MACROD2: variants seen among roughly 807,000 people sequenced by gnomAD.
The protein encoded by MACROD2 is ADP-ribose glycohydrolase MACROD2.
A neutral mutation model predicts 70.4 loss-of-function variants in MACROD2; 36 were observed. The ratio of observed to expected loss-of-function variants is 0.51; its 90% CI spans 0.39 to 0.68. The LOEUF (loss-of-function observed/expected upper bound fraction) is 0.68. Ranked by LOEUF, MACROD2 falls within the 30% of genes least tolerant of loss-of-function variation. The pLI, the probability that MACROD2 is intolerant of heterozygous loss-of-function variation, is 0.00. For missense variants in MACROD2, 496 were observed against 538.4 expected, an observed-to-expected ratio of 0.92 and a Z score of 0.78; for synonymous variants, 172 against 178.8, an observed-to-expected ratio of 0.96 and a Z score of 0.30.
At chr20:15,191,128 G>A (rs2076567870) in intron 5 of MACROD2, among the ~76,000 whole-genome samples, 1 of 152,206 alleles carries the variant, frequency 6.6e-6, no homozygotes, top group South Asian at 2.1e-4. Context: ...GAAGTGGGGA[G>A]AGTGAGACAG....
At chr20:14,141,543 C>T (rs531920032) in intron 3 of MACROD2, among the ~76,000 whole-genome samples, 29 of 151,680 alleles carry the variant, frequency 1.9e-4, no homozygotes, top group Non-Finnish European at 2.9e-4. Context: ...GTTAGGAGTT[C>T]GGGACCGGCC....
intron 5 of MACROD2, among the ~76,000 whole-genome samples, chr20:14,883,606 A>AT (rs1170361607): frequency 6.6e-6 from 1 of 151,414 alleles, no homozygotes; most frequent in African/African-American, 2.4e-5. Flanking sequence ...TTAAAAAAAA[A>AT]AGTAGTTTAA....
At chr20:14,335,640 G>A (rs2082922044) in intron 3 of MACROD2, among the ~76,000 whole-genome samples, 1 of 151,972 alleles carries the variant, frequency 6.6e-6, no homozygotes, top group Non-Finnish European at 1.5e-5. Flanking sequence ...TAAAGGGTGG[G>A]GTGCAGCGAA....
chr20:14,911,498 C>T (rs982510896), intron 5 of MACROD2, among the ~76,000 whole-genome samples: 5 of 152,050 alleles, frequency 3.3e-5, no homozygotes, highest in African/African-American at 1.2e-4. Context: ...CTGCCTCAGC[C>T]TCCCATGTAG....
At chr20:15,151,270 T>C (rs1209737473) in intron 5 of MACROD2, among the ~76,000 whole-genome samples, 1 of 152,074 alleles carries the variant, frequency 6.6e-6, no homozygotes, top group African/African-American at 2.4e-5. Flanking sequence ...CTTGGCCCGA[T>C]GGCCAGATTT....
At chr20:14,416,488 T>C (rs552601811) in intron 3 of MACROD2, among the ~76,000 whole-genome samples, 1 of 152,322 alleles carries the variant, frequency 6.6e-6, no homozygotes, top group African/African-American at 2.4e-5. Flanking sequence ...GTATGCGATA[T>C]ATTTGTTTGT....
intron 4 of MACROD2, among the ~76,000 whole-genome samples, chr20:14,596,142 G>A (rs1435087272): frequency 6.6e-6 from 1 of 151,578 alleles, no homozygotes; most frequent in Non-Finnish European, 1.5e-5. Context: ...CTGGAGTGCA[G>A]TGGCACGATC....
chr20:14,304,968 CTT>C (rs2082507433), intron 3 of MACROD2, among the ~76,000 whole-genome samples: 1 of 152,110 alleles, frequency 6.6e-6, no homozygotes, highest in Non-Finnish European at 1.5e-5. Context: ...AATTTTCAGT[CTT>C]GACTATATAT....
intron 2 of MACROD2, among the ~76,000 whole-genome samples, chr20:14,005,352 A>G (rs1261989173): frequency 6.6e-6 from 1 of 152,210 alleles, no homozygotes; most frequent in Non-Finnish European, 1.5e-5. Flanking sequence ...TTATGTTCAT[A>G]TTTATTAACT....
intron 8 of MACROD2, among the ~76,000 whole-genome samples, chr20:15,535,754 A>G (rs554897559): frequency 2.3e-4 from 35 of 152,276 alleles, no homozygotes; most frequent in African/African-American, 7.5e-4. Flanking sequence ...TCCTGTATCT[A>G]TTTTCATAAT....
At chr20:14,325,410 TTAAATA>T in intron 3 of MACROD2, 1 of 776,762 alleles carries the variant, frequency 1.3e-6, no homozygotes, top group Non-Finnish European at 1.9e-6. Flanking sequence ...TAAAAAGTTC[TTAAATA>T]TAAATTATAT....
At chr20:14,746,628 A>G (rs576014420) in intron 5 of MACROD2, among the ~76,000 whole-genome samples, 2 of 152,280 alleles carry the variant, frequency 1.3e-5, no homozygotes, top group South Asian at 2.1e-4. Context: ...AAATAACTGT[A>G]TCTCTTATGG....
intron 3 of MACROD2, among the ~76,000 whole-genome samples, chr20:14,457,306 C>T (rs1367688767): frequency 2.0e-5 from 3 of 152,024 alleles, no homozygotes; most frequent in Admixed American, 1.3e-4. Context: ...CATCAACACA[C>T]TGGGATTTAC....
chr20:14,026,888 T>G (rs765113289), intron 2 of MACROD2, among the ~76,000 whole-genome samples: 31 of 152,118 alleles, frequency 2.0e-4, no homozygotes, highest in Non-Finnish European at 4.0e-4. Context: ...CAGAAGTAAA[T>G]ATTCCTGCCT....
At chr20:14,489,603 A>C (rs1344893169) in intron 3 of MACROD2, among the ~76,000 whole-genome samples, 4 of 152,192 alleles carry the variant, frequency 2.6e-5, no homozygotes, top group Non-Finnish European at 5.9e-5. Flanking sequence ...TGTAATAAGA[A>C]AGCAGAATAA....
At position 14,323,528 on chromosome 20, in the gene MACROD2, G is replaced by A. The variant is rs973300166; in HGVS notation, c.272-169951G>A. ...TGCTTGATTAAACCACTGGTCACTG[G>A]TGATCAACTTAATCTTCATCCACTT... On this transcript the variant is annotated intron_variant, in intron 3 of 17. Transcript: ENST00000684519. 7 of 152,112 alleles carry A rather than the reference G, an allele frequency of 4.6e-5. 1 individual carries two copies. The highest frequency in any genetic ancestry group is 8.8e-5 in the Non-Finnish European group (6 of 68,024). 9.4% of individuals were successfully genotyped at this position (152,112 alleles called of 1,614,324 possible).
chr20:15,400,542 T>A (rs2045915299), intron 6 of MACROD2, among the ~76,000 whole-genome samples: 1 of 152,182 alleles, frequency 6.6e-6, no homozygotes, highest in Admixed American at 6.5e-5. Context: ...CAATAGATAT[T>A]TTTCAATTTA....
Position 15,772,621 on chromosome 20 carries a change from T to C in MACROD2, c.646-90124T>C, listed in dbSNP as rs183122604. Reference sequence around the variant, plus strand: ...CTCAGGAAAGAGGCTTAATAGTTCCTCATGGTTAGGGAAGCCTCAGGAAAC... The same window carrying C: ...CTCAGGAAAGAGGCTTAATAGTTCCCCATGGTTAGGGAAGCCTCAGGAAAC... On this transcript the variant is annotated intron_variant, in intron 8 of 17. Transcript: ENST00000684519. 5.8e-3 allele frequency among the ~76,000 whole-genome samples: 883 copies of C among 152,202 alleles called. 8 individuals carry two copies. Among genetic ancestry groups the C allele is most frequent in the Non-Finnish European group, 9.0e-3 (612 of 67,998 alleles).
At chr20:15,610,642 G>A (rs2048954255) in intron 8 of MACROD2, among the ~76,000 whole-genome samples, 1 of 152,136 alleles carries the variant, frequency 6.6e-6, no homozygotes, top group Admixed American at 6.5e-5. Flanking sequence ...GGTTCCAGGT[G>A]GGCATATTAT....
Sources: gnomAD v4.1 joint callset for allele counts (sites outside exome capture counted in the v4.1 genomes callset) on GRCh38, gnomAD v4.1.1 for gene constraint, MANE v1.5 for transcripts, NCBI Gene and HGNC (gene_info 2026-07-23, HGNC 2026-07-21) for gene names.